The following CFAP57 variants were observed in gnomAD, a reference collection of about 807,000 sequenced individuals.
CFAP57 encodes cilia- and flagella-associated protein 57.
A neutral mutation model predicts 146.8 loss-of-function variants in CFAP57; 116 were observed. The observed-to-expected ratio is 0.79, with a 90% confidence interval of 0.68 to 0.92. CFAP57 has a LOEUF of 0.92. CFAP57 is among the 40% of genes least tolerant of loss of function. CFAP57 has a pLI of 0.00. For synonymous variants in CFAP57, 518 were observed against 552.8 expected (o/e 0.94, Z 0.88); for missense variants, 1,377 against 1,527.2 (o/e 0.90, Z 1.64).
chr1:43,179,255 C>T (rs1645293045), intron 2 of CFAP57, among the ~76,000 whole-genome samples: 1 of 150,908 alleles, frequency 6.6e-6, no homozygotes, highest in African/African-American at 2.5e-5. Flanking sequence ...GTACATTGTG[C>T]ACATGTACCC....
At chr1:43,221,675 T>C (rs1645048517) in intron 14 of CFAP57, among the ~76,000 whole-genome samples, 1 of 152,182 alleles carries the variant, frequency 6.6e-6, no homozygotes, top group Admixed American at 6.5e-5. Flanking sequence ...TGCATGAAAG[T>C]AGGAGGCACG....
intron 6 of CFAP57, among the ~76,000 whole-genome samples, chr1:43,193,015 CA>C (rs1411867360): frequency 2.0e-5 from 3 of 152,108 alleles, no homozygotes; most frequent in Non-Finnish European, 2.9e-5. Flanking sequence ...TCATTCTTGA[CA>C]ATTTTTACTT....
intron 6 of CFAP57, among the ~76,000 whole-genome samples, chr1:43,195,205 G>C (rs1643789241): frequency 6.6e-6 from 1 of 152,120 alleles, no homozygotes; most frequent in South Asian, 2.1e-4. Flanking sequence ...TACACACCAG[G>C]AATTTGACCC....
At chr1:43,184,354 A>G (rs752901668) in intron 4 of CFAP57, among the ~76,000 whole-genome samples, 29 of 152,206 alleles carry the variant, frequency 1.9e-4, no homozygotes, top group Admixed American at 2.6e-4. Context: ...CTCAGGAAGG[A>G]GTGGTTATTG....
intron 2 of CFAP57, among the ~76,000 whole-genome samples, chr1:43,178,039 A>G (rs1291924330): frequency 6.6e-6 from 1 of 152,214 alleles, no homozygotes; most frequent in East Asian, 1.9e-4. Context: ...TGAGAGGTGA[A>G]GGATTCCCTA....
At chr1:43,226,755 A>G (rs1327518984) in intron 17 of CFAP57, among the ~76,000 whole-genome samples, 2 of 152,180 alleles carry the variant, frequency 1.3e-5, no homozygotes, top group Non-Finnish European at 2.9e-5. Flanking sequence ...ACAACCTAAT[A>G]TGAATGAGTG....
intron 22 of CFAP57, among the ~76,000 whole-genome samples, chr1:43,247,705 C>G (rs558705694): frequency 1.3e-5 from 2 of 152,208 alleles, no homozygotes; most frequent in Non-Finnish European, 2.9e-5. Flanking sequence ...TCTAAACTTT[C>G]TAATTTCTCT....
chr1:43,205,910 T>G (rs1644339751), intron 9 of CFAP57, among the ~76,000 whole-genome samples: 1 of 152,206 alleles, frequency 6.6e-6, no homozygotes, highest in South Asian at 2.1e-4. Flanking sequence ...ACTCTGTTCT[T>G]ACTGGGATTG....
At chr1:43,246,786 T>C (rs888741657) in intron 22 of CFAP57, among the ~76,000 whole-genome samples, 2 of 152,216 alleles carry the variant, frequency 1.3e-5, no homozygotes, top group African/African-American at 4.8e-5. Flanking sequence ...GAACATATTT[T>C]GTTTTCGAGT....
At chr1:43,245,122 A>T (rs1036229167) in intron 22 of CFAP57, among the ~76,000 whole-genome samples, 2 of 152,086 alleles carry the variant, frequency 1.3e-5, no homozygotes, top group Non-Finnish European at 1.5e-5. Context: ...TAGCCTGGGC[A>T]ACATGGCGAA....
At chr1:43,224,316 T>G in intron 17 of CFAP57, 112 bp downstream of exon 17, 1 of 1,258,090 alleles carries the variant, frequency 7.9e-7, no homozygotes, top group Non-Finnish European at 1.1e-6. Flanking sequence ...TTCTTTAACT[T>G]GATGGGGGAA....
chr1:43,180,220 ATT>A (rs199877902), intron 2 of CFAP57, among the ~76,000 whole-genome samples: 2 of 132,466 alleles, frequency 1.5e-5, no homozygotes, highest in African/African-American at 6.4e-5. Context: ...AAATATATAT[ATT>A]TTATATATAT....
chr1:43,195,586 C>T (rs1569979786), intron 6 of CFAP57, among the ~76,000 whole-genome samples: 1 of 151,460 alleles, frequency 6.6e-6, no homozygotes, highest in African/African-American at 2.4e-5. Context: ...TAGCAATGGA[C>T]GGTTGAAGAC....
At chr1:43,241,114 G>A (rs1645897968) in intron 21 of CFAP57, among the ~76,000 whole-genome samples, 1 of 152,200 alleles carries the variant, frequency 6.6e-6, no homozygotes, top group South Asian at 2.1e-4. Context: ...GATTACAGGT[G>A]TGAGCCACCG....
At chr1:43,178,914 A>C (rs551450324) in intron 2 of CFAP57, among the ~76,000 whole-genome samples, 96 of 152,360 alleles carry the variant, frequency 6.3e-4, no homozygotes, top group African/African-American at 2.2e-3. Flanking sequence ...GACTGGATTA[A>C]GAAAATGTGG....
intron 6 of CFAP57, among the ~76,000 whole-genome samples, chr1:43,187,241 A>G (rs983438234): frequency 6.6e-6 from 1 of 152,244 alleles, no homozygotes; most frequent in Non-Finnish European, 1.5e-5. Context: ...AAAGAAAGCT[A>G]GTATAAATAC....
At chr1:43,195,885 C>T (rs1304432511) in intron 6 of CFAP57, among the ~76,000 whole-genome samples, 7 of 151,820 alleles carry the variant, frequency 4.6e-5, no homozygotes, top group East Asian at 3.9e-4. Flanking sequence ...AAGAAAGGAG[C>T]GAAATAAAAT....
chr1:43,184,036 C>A (rs984129908), intron 4 of CFAP57, among the ~76,000 whole-genome samples, 159 bp downstream of exon 4: 1 of 152,190 alleles, frequency 6.6e-6, no homozygotes, highest in African/African-American at 2.4e-5. Flanking sequence ...TATTTAAGCA[C>A]AGATTTAACA....
intron 22 of CFAP57, among the ~76,000 whole-genome samples, chr1:43,248,288 T>C (rs1487655856): frequency 6.6e-6 from 1 of 150,602 alleles, no homozygotes; most frequent in Admixed American, 6.7e-5. Flanking sequence ...TTCACATCTC[T>C]CTCCCCTACA....
Sources: gnomAD v4.1 joint callset for allele counts (sites outside exome capture counted in the v4.1 genomes callset) on GRCh38, gnomAD v4.1.1 for gene constraint, MANE v1.5 for transcripts, NCBI Gene and HGNC (gene_info 2026-07-23, HGNC 2026-07-21) for gene names.